Variants in FRMD6 observed in about 807,000 individuals in gnomAD.
FRMD6 encodes the protein FERM domain containing 6, also known as FERM domain-containing protein 6.
Under a neutral mutation model 73.2 loss-of-function variants are expected in FRMD6, and 37 were observed. The observed-to-expected ratio is 0.51, with a 90% CI of 0.39 to 0.66. The LOEUF is 0.66. Among genes scored for constraint, FRMD6 ranks in the 30% least tolerant of loss-of-function variants. The pLI is 0.00. For missense variants in FRMD6, 714 were observed against 780.5 expected (o/e 0.91, Z 1.02); for synonymous variants, 273 against 282.2 (o/e 0.97, Z 0.33).
Position 51,708,060 on chromosome 14 carries a change from C to A in FRMD6, c.559-18C>A, listed in dbSNP as rs753541020. On this transcript the variant is annotated intron_variant, in intron 6 of 13. Transcript: ENST00000344768. The stretch of plus-strand genomic sequence containing the variant: ...TCTCCAACAAATGTTGCATTGCACA[C>A]CCCTTGTATCCCAACAGGTTGTTTC... 2 of 1,611,848 alleles carry A rather than the reference C, an allele frequency of 1.2e-6. No homozygotes were observed. Among genetic ancestry groups the A allele is most frequent in the Non-Finnish European group, 8.5e-7 (1 of 1,178,536 alleles).
chr14:51,602,365 T>C (rs1890073813), intron 2 of FRMD6, among the ~76,000 whole-genome samples: 1 of 152,178 alleles, frequency 6.6e-6, no homozygotes. Flanking sequence ...TGTAGGCTTA[T>C]GTCTCTAAGG....
the FRMD6 span, among the ~76,000 whole-genome samples, chr14:51,447,390 A>G: frequency 6.6e-6 from 1 of 152,166 alleles, no homozygotes; most frequent in Admixed American, 6.5e-5. Context: ...CATGGGAATC[A>G]GTGTTCTTCT....
At chr14:51,471,886 A>G in the FRMD6 span, among the ~76,000 whole-genome samples, 629 of 152,316 alleles carry the variant, frequency 4.1e-3, 1 homozygote, top group African/African-American at 0.014. Flanking sequence ...ATATTTTCCC[A>G]TTTTATGCCC....
intron 1 of FRMD6, among the ~76,000 whole-genome samples, chr14:51,527,790 G>A (rs546129743): frequency 6.6e-6 from 1 of 152,318 alleles, no homozygotes; most frequent in Non-Finnish European, 1.5e-5. Context: ...ATGAGAGACA[G>A]ATGGTGAGGC....
chr14:51,522,424 A>G (rs1387531406), intron 1 of FRMD6, among the ~76,000 whole-genome samples: 2 of 152,138 alleles, frequency 1.3e-5, no homozygotes, highest in African/African-American at 4.8e-5. Flanking sequence ...ACCTTTGCAA[A>G]TAGGCTTTCT....
At chr14:51,625,981 G>C (rs1891099368) in intron 2 of FRMD6, among the ~76,000 whole-genome samples, 1 of 152,178 alleles carries the variant, frequency 6.6e-6, no homozygotes, top group Admixed American at 6.5e-5. Context: ...TATAGTTGTA[G>C]TAGACGCTCA....
At chr14:51,608,353 T>C (rs1328633683) in intron 2 of FRMD6, among the ~76,000 whole-genome samples, 2 of 152,214 alleles carry the variant, frequency 1.3e-5, no homozygotes, top group Non-Finnish European at 2.9e-5. Flanking sequence ...GGTCAGATAC[T>C]TATTGTTTGT....
At chr14:51,587,170 A>G (rs1438144218) in intron 2 of FRMD6, among the ~76,000 whole-genome samples, 1 of 152,126 alleles carries the variant, frequency 6.6e-6, no homozygotes, top group East Asian at 1.9e-4. Context: ...CCCAGTATAT[A>G]TTTTTGATGA....
Position 51,727,751 on chromosome 14 carries a change from T to A in FRMD6, c.1591T>A (p.Cys531Ser). Residue 531 changes from cysteine to serine, a missense_variant, in exon 14 of 14, where the codon TGT (cysteine) becomes AGT (serine). Physicochemically the swap from Cys to Ser is moderately radical, Grantham distance 112. Transcript: ENST00000344768. ...QSTDSLPQTI[C>S]RKPKTSTDRH... ...TCCTTCCCTTATCTTGCAGACTATA[T>A]GTCGGAAACCAAAGACCTCCACTGA... 6.3e-7 allele frequency: 1 copy of A among 1,596,370 alleles called. No homozygotes were observed. The highest frequency in any genetic ancestry group is 8.6e-7 in the Non-Finnish European group (1 of 1,165,452).
Position 51,699,956 on chromosome 14 carries a change from A to T in FRMD6, c.191-1100A>T, listed in dbSNP as rs78070705. Among the ~76,000 whole-genome samples, 401 of 151,928 alleles carry T rather than the reference A, an allele frequency of 2.6e-3. 1 individual carries two copies. Among genetic ancestry groups the T allele is most frequent in the African/African-American group, 9.0e-3 (374 of 41,486 alleles). On this transcript the variant is annotated intron_variant, in intron 3 of 13. Transcript: ENST00000344768. Reference sequence around the variant, plus strand: ...TAGCATTCCTTTTTTTGTCTCTGGGATCTCTTTTCTAACCCTTTCATTAAA... The same window carrying T: ...TAGCATTCCTTTTTTTGTCTCTGGGTTCTCTTTTCTAACCCTTTCATTAAA...
chr14:51,493,790 T>G (rs1883147240), intron 1 of FRMD6, among the ~76,000 whole-genome samples: 1 of 152,218 alleles, frequency 6.6e-6, no homozygotes, highest in African/African-American at 2.4e-5. Context: ...ACTTTTTAAC[T>G]TTTTCCTTTG....
chr14:51,505,195 A>G (rs1024569427), intron 1 of FRMD6, among the ~76,000 whole-genome samples: 3 of 152,132 alleles, frequency 2.0e-5, no homozygotes, highest in African/African-American at 7.2e-5. Context: ...TTTTCACACT[A>G]TTTAGGAATA....
chr14:51,430,827 CGAGCCACA>C, the FRMD6 span, among the ~76,000 whole-genome samples: 1 of 152,122 alleles, frequency 6.6e-6, no homozygotes. Flanking sequence ...TTGCATGAGC[CGAGCCACA>C]GGGCTTGCAA....
the FRMD6 span, among the ~76,000 whole-genome samples, chr14:51,444,323 G>A: frequency 6.6e-5 from 10 of 152,236 alleles, no homozygotes; most frequent in African/African-American, 2.4e-4. Context: ...CAGATGCTGA[G>A]ATTAGCTCCT....
At chr14:51,646,250 A>G (rs1254377950) in intron 2 of FRMD6, among the ~76,000 whole-genome samples, 1 of 146,182 alleles carries the variant, frequency 6.8e-6, no homozygotes, top group Non-Finnish European at 1.5e-5. Context: ...CCCAGGAGGC[A>G]GAGGTTGCAA....
chr14:51,640,126 A>C (rs1055494971), intron 2 of FRMD6, among the ~76,000 whole-genome samples: 28 of 152,224 alleles, frequency 1.8e-4, no homozygotes, highest in Admixed American at 1.3e-4. Flanking sequence ...TTAACATCCC[A>C]GAAAATTAAA....
chr14:51,654,099 G>C (rs1483129788), intron 1 of FRMD6, among the ~76,000 whole-genome samples: 1 of 152,044 alleles, frequency 6.6e-6, no homozygotes, highest in East Asian at 1.9e-4. Flanking sequence ...CTCCTTTTTG[G>C]GGGCAACAAG....
At chr14:51,693,677 T>A (rs1054574246) in intron 2 of FRMD6, among the ~76,000 whole-genome samples, 7 of 152,324 alleles carry the variant, frequency 4.6e-5, no homozygotes, top group Middle Eastern at 3.4e-3. Context: ...ACTTTTTAGT[T>A]CCTTGAACTG....
intron 2 of FRMD6, among the ~76,000 whole-genome samples, chr14:51,631,759 T>G (rs1891345848): frequency 6.6e-6 from 1 of 152,236 alleles, no homozygotes; most frequent in African/African-American, 2.4e-5. Context: ...GCTCGTATCA[T>G]GTATTTAATA....
Sources: allele counts gnomAD v4.1 joint callset (sites outside exome capture counted in the v4.1 genomes callset), GRCh38; gene constraint gnomAD v4.1.1; transcripts MANE v1.5; gene names NCBI Gene and HGNC (gene_info 2026-07-23, HGNC 2026-07-21).